Variants in ERBB4 observed in about 807,000 individuals in gnomAD.
ERBB4 encodes receptor tyrosine-protein kinase erbB-4.
ERBB4 carries 42 observed loss-of-function variants against 158.0 expected under a neutral mutation model. That is an observed-to-expected ratio of 0.27 (90% confidence interval 0.21 to 0.34). The LOEUF (loss-of-function observed/expected upper bound fraction) is 0.34. Among genes scored for constraint, ERBB4 ranks in the 10% least tolerant of loss-of-function variants. The pLI is 1.00. For missense variants in ERBB4, 1,333 were observed against 1,624.1 expected, an observed-to-expected ratio of 0.82 and a Z score of 3.08; for synonymous variants, 583 against 558.7, an observed-to-expected ratio of 1.04 and a Z score of -0.61.
chr2:212,270,610 G>C (rs777244252), intron 1 of ERBB4, among the ~76,000 whole-genome samples: 9 of 151,726 alleles, frequency 5.9e-5, no homozygotes, highest in Non-Finnish European at 1.2e-4. Context: ...GCCACTTCTG[G>C]TCTAATCTTT....
chr2:211,920,308 G>A (rs1302087892), intron 3 of ERBB4, among the ~76,000 whole-genome samples: 1 of 151,878 alleles, frequency 6.6e-6, no homozygotes, highest in Non-Finnish European at 1.5e-5. Flanking sequence ...TAATAAACAT[G>A]CAAGTCTAGC....
chr2:212,489,131 ATAGT>A (rs1690133366), intron 1 of ERBB4, among the ~76,000 whole-genome samples: 1 of 151,824 alleles, frequency 6.6e-6, no homozygotes, highest in South Asian at 2.1e-4. Flanking sequence ...TAAAGAAATA[ATAGT>A]TAAGTATAAA....
intron 20 of ERBB4, 22 bp from the exon 21 acceptor site, chr2:211,431,122 A>T (rs772515093): frequency 6.2e-7 from 1 of 1,608,678 alleles, no homozygotes; most frequent in South Asian, 1.1e-5. Context: ...CAAGTTCCTT[A>T]ATGATATTCA....
intron 3 of ERBB4, among the ~76,000 whole-genome samples, chr2:211,927,462 C>A (rs915934395): frequency 2.6e-5 from 4 of 151,960 alleles, no homozygotes; most frequent in African/African-American, 9.7e-5. Flanking sequence ...ACACTACCAC[C>A]AAAGCAATGA....
intron 3 of ERBB4, among the ~76,000 whole-genome samples, chr2:211,882,337 G>T (rs2106153739): frequency 6.6e-6 from 1 of 152,252 alleles, no homozygotes; most frequent in African/African-American, 2.4e-5. Context: ...TTATAAATGT[G>T]TCTTGGATTT....
chr2:212,490,364 TC>T (rs1690207414), intron 1 of ERBB4, among the ~76,000 whole-genome samples: 1 of 151,874 alleles, frequency 6.6e-6, no homozygotes, highest in African/African-American at 2.4e-5. Flanking sequence ...TGTTTCTCTT[TC>T]CCTCTGCTTT....
chr2:211,737,371 C>T (rs918861775), intron 5 of ERBB4, among the ~76,000 whole-genome samples: 1 of 152,136 alleles, frequency 6.6e-6, no homozygotes, highest in Non-Finnish European at 1.5e-5. Context: ...CTCATATTCT[C>T]CTCCTTCAGA....
At chr2:212,055,804 T>C (rs2077545844) in intron 2 of ERBB4, among the ~76,000 whole-genome samples, 1 of 151,994 alleles carries the variant, frequency 6.6e-6, no homozygotes, top group African/African-American at 2.4e-5. Context: ...AGAACAAAGG[T>C]AGATAAAACC....
intron 1 of ERBB4, among the ~76,000 whole-genome samples, chr2:212,132,567 G>T (rs941268787): frequency 6.6e-6 from 1 of 152,212 alleles, no homozygotes; most frequent in South Asian, 2.1e-4. Flanking sequence ...CTTGAACTGT[G>T]ACATAGATCT....
intron 12 of ERBB4, among the ~76,000 whole-genome samples, 199 bp from the exon 13 acceptor site, chr2:211,679,383 C>G (rs953981875): frequency 1.3e-5 from 2 of 152,302 alleles, no homozygotes; most frequent in South Asian, 2.1e-4. Flanking sequence ...TGTGTTTGTA[C>G]AGCAATCTTG....
At chr2:212,472,413 G>A (rs1407796740) in intron 1 of ERBB4, among the ~76,000 whole-genome samples, 2 of 151,822 alleles carry the variant, frequency 1.3e-5, no homozygotes, top group South Asian at 4.1e-4. Flanking sequence ...GAATCCAGAT[G>A]TACGTGGCTC....
intron 20 of ERBB4, among the ~76,000 whole-genome samples, chr2:211,513,941 CCAT>C (rs2125622442): frequency 6.6e-6 from 1 of 152,056 alleles, no homozygotes; most frequent in Admixed American, 6.5e-5. Flanking sequence ...TCAGGGATAT[CCAT>C]CGTTTCAAAC....
chr2:211,524,150 A>C (rs2066269281), intron 20 of ERBB4, among the ~76,000 whole-genome samples: 1 of 151,894 alleles, frequency 6.6e-6, no homozygotes. Context: ...GCTAGACATA[A>C]AGTTTCTCTA....
intron 19 of ERBB4, among the ~76,000 whole-genome samples, chr2:211,565,350 T>TA (rs1392868766): frequency 6.6e-6 from 1 of 152,128 alleles, no homozygotes; most frequent in Non-Finnish European, 1.5e-5. Context: ...GAAAGGTACA[T>TA]AACCATTGCT....
chr2:212,025,418 T>A (rs1256639089), intron 2 of ERBB4, among the ~76,000 whole-genome samples: 1 of 151,780 alleles, frequency 6.6e-6, no homozygotes, highest in Non-Finnish European at 1.5e-5. Context: ...ATATTTATGA[T>A]GGAATTACAA....
At chr2:212,273,729 C>T (rs115701160) in intron 1 of ERBB4, among the ~76,000 whole-genome samples, 2,637 of 151,808 alleles carry the variant, frequency 0.017, 83 homozygotes, top group African/African-American at 0.061. Flanking sequence ...TGGATGGTTT[C>T]CTTCACATAT....
intron 20 of ERBB4, among the ~76,000 whole-genome samples, chr2:211,433,160 G>A (rs1559163228): frequency 6.6e-6 from 1 of 152,196 alleles, no homozygotes; most frequent in Non-Finnish European, 1.5e-5. Flanking sequence ...AGGGACAGTG[G>A]TGAGCAGTGA....
At chr2:211,890,266 A>C (rs765036071) in intron 3 of ERBB4, among the ~76,000 whole-genome samples, 11,213 of 108,404 alleles carry the variant, frequency 0.1, 629 homozygotes, top group African/African-American at 0.18. Flanking sequence ...TTCTTAAAGA[A>C]AAGAATTTTC....
chr2:211,926,200 CT>C (rs1189261444), intron 3 of ERBB4, among the ~76,000 whole-genome samples: 1 of 152,088 alleles, frequency 6.6e-6, no homozygotes, highest in African/African-American at 2.4e-5. Flanking sequence ...TTCTCTCCCC[CT>C]TTTATTAGTT....
Sources: gnomAD v4.1 joint callset for allele counts (sites outside exome capture counted in the v4.1 genomes callset) on GRCh38, gnomAD v4.1.1 for gene constraint, MANE v1.5 for transcripts, NCBI Gene and HGNC (gene_info 2026-07-23, HGNC 2026-07-21) for gene names.